The following OSBPL1A variants were observed in gnomAD, a reference collection of about 807,000 sequenced individuals.
The protein encoded by OSBPL1A is oxysterol binding protein like 1A.
Under a neutral mutation model 137.1 loss-of-function variants are expected in OSBPL1A, and 80 were observed. That is an observed-to-expected ratio of 0.58 (90% CI 0.49 to 0.70). The LOEUF is 0.70. Ranked by LOEUF, OSBPL1A falls within the 30% of genes least tolerant of loss-of-function variation. The probability of loss-of-function intolerance (pLI) is 0.00; values close to 1 mark genes in which losing one functional copy is unlikely to be tolerated. For synonymous variants in OSBPL1A, 365 were observed against 389.7 expected (o/e 0.94, Z 0.75); for missense variants, 970 against 1,129.4 (o/e 0.86, Z 2.02).
chr18:24,329,549 A>C (rs1396302040), intron 7 of OSBPL1A, among the ~76,000 whole-genome samples: 14 of 146,772 alleles, frequency 9.5e-5, no homozygotes, highest in African/African-American at 3.5e-4. Flanking sequence ...AACTCTGTCA[A>C]AAAAAAAAAA....
At chr18:24,362,549 C>A (rs1030824179) in intron 4 of OSBPL1A, among the ~76,000 whole-genome samples, 19 of 152,208 alleles carry the variant, frequency 1.2e-4, no homozygotes, top group Non-Finnish European at 2.4e-4. Flanking sequence ...AAGTGTGAAA[C>A]AATATAATAA....
At chr18:24,184,760 C>T (rs2086698911) in intron 18 of OSBPL1A, among the ~76,000 whole-genome samples, 2 of 152,132 alleles carry the variant, frequency 1.3e-5, no homozygotes, top group Non-Finnish European at 1.5e-5. Flanking sequence ...CAGGTGTGCC[C>T]TGCCCCAGAT....
intron 15 of OSBPL1A, among the ~76,000 whole-genome samples, chr18:24,262,346 T>C (rs940375885): frequency 6.6e-6 from 1 of 152,070 alleles, no homozygotes; most frequent in African/African-American, 2.4e-5. Context: ...TCTTACATAA[T>C]CACTAGCCAC....
chr18:24,286,062 C>A (rs2090061597), intron 14 of OSBPL1A, among the ~76,000 whole-genome samples: 1 of 152,154 alleles, frequency 6.6e-6, no homozygotes, highest in African/African-American at 2.4e-5. Flanking sequence ...GAGGCTGAGG[C>A]AAGAGAATCA....
chr18:24,221,780 C>T (rs1448652342), intron 17 of OSBPL1A, among the ~76,000 whole-genome samples: 1 of 152,174 alleles, frequency 6.6e-6, no homozygotes, highest in Admixed American at 6.5e-5. Flanking sequence ...AGTTTTATCT[C>T]TTTCAGAAAG....
chr18:24,336,670 T>A (rs186583479), intron 5 of OSBPL1A, among the ~76,000 whole-genome samples: 1 of 152,244 alleles, frequency 6.6e-6, no homozygotes, highest in Non-Finnish European at 1.5e-5. Flanking sequence ...AAACTGTCTT[T>A]CTTTTCCATC....
chr18:24,175,477 T>G (rs1250068860), intron 21 of OSBPL1A, among the ~76,000 whole-genome samples: 1 of 152,166 alleles, frequency 6.6e-6, no homozygotes, highest in Non-Finnish European at 1.5e-5. Context: ...CATGAGTCAC[T>G]GCGCCTGACC....
At chr18:24,323,171 A>C (rs1049636790) in intron 7 of OSBPL1A, among the ~76,000 whole-genome samples, 1 of 152,152 alleles carries the variant, frequency 6.6e-6, no homozygotes, top group Non-Finnish European at 1.5e-5. Context: ...CATTATAACC[A>C]TTAAAAGTGC....
intron 14 of OSBPL1A, among the ~76,000 whole-genome samples, chr18:24,298,456 C>T (rs1212651455): frequency 1.3e-5 from 2 of 152,226 alleles, no homozygotes; most frequent in African/African-American, 2.4e-5. Context: ...AAGCGATTCT[C>T]CTGCCTCAGC....
intron 14 of OSBPL1A, among the ~76,000 whole-genome samples, chr18:24,288,243 G>A (rs2090104908): frequency 6.6e-6 from 1 of 152,322 alleles, no homozygotes; most frequent in Middle Eastern, 3.4e-3. Flanking sequence ...CCAAATGCAT[G>A]AGAAAAGGTC....
At position 24,170,336 on chromosome 18, in the gene OSBPL1A, G is replaced by A. The variant is rs751067403; in HGVS notation, c.2409C>T (p.Asn803=). ...CTTACAGGATGTTCACCTGTTTGCT[G>A]TTCTTCTTCTCTTCTGTATTTTTCT... is the stretch of plus-strand genomic sequence containing the variant. The part of the protein sequence containing the change: ...NDKKNTEEKK[N]SKQMSTSEEL... Residue 803 remains asparagine (N), a synonymous_variant, in exon 24 of 28, where the codon AAC becomes AAT. Coordinates refer to ENST00000319481, the MANE Select transcript of OSBPL1A (RefSeq NM_080597.4). The A allele has an allele frequency of 2.5e-6, 4 of 1,614,008 alleles. No homozygotes were observed. In the African/African-American group the frequency reaches 4.0e-5, roughly 16 times the overall value.
chr18:24,291,865 C>T lies in OSBPL1A; in HGVS notation c.1175-10917G>A, dbSNP rs141052213. On this transcript the variant is annotated intron_variant, in intron 14 of 27. Transcript: ENST00000319481. ...GTCAGGAGTTCGAGACCAGCCTGGC[C>T]AATGTGGTGAAACCCTGTCTCTACT... Among the ~76,000 whole-genome samples, 195 of 151,050 alleles carry T rather than the reference C, an allele frequency of 1.3e-3. 3 individuals carry two copies. In the East Asian group the frequency reaches 0.033, roughly 25 times the overall value.
chr18:24,260,771 G>A (rs2089426671), intron 15 of OSBPL1A, among the ~76,000 whole-genome samples: 1 of 149,394 alleles, frequency 6.7e-6, no homozygotes, highest in South Asian at 2.1e-4. Flanking sequence ...TGAATTGTAT[G>A]CTCAAAAGAG....
chr18:24,352,486 C>A (rs538442273), intron 4 of OSBPL1A, among the ~76,000 whole-genome samples: 1 of 152,186 alleles, frequency 6.6e-6, no homozygotes, highest in African/African-American at 2.4e-5. Flanking sequence ...AATGGTCATA[C>A]TGCCCAAGGT....
chr18:24,173,944 C>T (rs2086359670), intron 21 of OSBPL1A, among the ~76,000 whole-genome samples: 2 of 152,202 alleles, frequency 1.3e-5, no homozygotes, highest in South Asian at 4.1e-4. Context: ...AACAACTGAT[C>T]TGTTCTCCAT....
chr18:24,309,567 G>A (rs949772465), intron 13 of OSBPL1A, among the ~76,000 whole-genome samples: 1 of 152,168 alleles, frequency 6.6e-6, no homozygotes, highest in Non-Finnish European at 1.5e-5. Flanking sequence ...CCCTTAGAAT[G>A]TCTATAGGTA....
chr18:24,380,184 A>G (rs1906479586), intron 1 of OSBPL1A, among the ~76,000 whole-genome samples: 1 of 152,250 alleles, frequency 6.6e-6, no homozygotes, highest in Non-Finnish European at 1.5e-5. Context: ...AGGACATTTT[A>G]AAATATACCA....
At chr18:24,329,690 T>C (rs28379090) in intron 7 of OSBPL1A, among the ~76,000 whole-genome samples, 1,644 of 152,148 alleles carry the variant, frequency 0.011, 31 homozygotes, top group African/African-American at 0.038. Flanking sequence ...AAATTAAACA[T>C]AGGTACACTG....
chr18:24,389,020 TTTTAAAAACATTCTTCCAAA>T (rs1907139429), intron 1 of OSBPL1A, among the ~76,000 whole-genome samples: 1 of 152,196 alleles, frequency 6.6e-6, no homozygotes, highest in African/African-American at 2.4e-5. Flanking sequence ...TGAACAGATT[TTTTAAAAACATTCTTCCAAA>T]TCATGAGAGC....
Sources: allele counts gnomAD v4.1 joint callset (sites outside exome capture counted in the v4.1 genomes callset), GRCh38; gene constraint gnomAD v4.1.1; transcripts MANE v1.5; gene names NCBI Gene and HGNC (gene_info 2026-07-23, HGNC 2026-07-21).